The following TMEM132B variants were observed in gnomAD, a reference collection of about 807,000 sequenced individuals.
TMEM132B encodes transmembrane protein 132B.
Under a neutral mutation model 90.8 loss-of-function variants are expected in TMEM132B, and 18 were observed. The observed-to-expected ratio is 0.20, with a 90% confidence interval of 0.14 to 0.29. The LOEUF is 0.29. Among genes scored for constraint, TMEM132B ranks in the 10% least tolerant of loss-of-function variants. TMEM132B has a pLI of 1.00. For missense variants in TMEM132B, 1,096 were observed against 1,326.8 expected (o/e 0.83, Z 2.70); for synonymous variants, 504 against 523.3 (o/e 0.96, Z 0.50).
At chr12:125,243,229 T>C (rs1874129566) in intron 1 of TMEM132B, among the ~76,000 whole-genome samples, 1 of 151,496 alleles carries the variant, frequency 6.6e-6, no homozygotes, top group Non-Finnish European at 1.5e-5. Context: ...CTGCAACCTC[T>C]GCCTCCTGAG....
chr12:125,515,013 T>A (rs966702816), intron 3 of TMEM132B, among the ~76,000 whole-genome samples: 2 of 152,162 alleles, frequency 1.3e-5, no homozygotes, highest in Non-Finnish European at 2.9e-5. Flanking sequence ...GAGGTTTCCA[T>A]GACAAACAGG....
chr12:125,303,396 C>T (rs752549959), intron 1 of TMEM132B, among the ~76,000 whole-genome samples: 2 of 152,152 alleles, frequency 1.3e-5, no homozygotes, highest in Non-Finnish European at 2.9e-5. Flanking sequence ...TGTTGATAGA[C>T]ATTTGGGCTG....
At chr12:125,236,320 TG>T (rs1873935858) in intron 1 of TMEM132B, among the ~76,000 whole-genome samples, 1 of 151,140 alleles carries the variant, frequency 6.6e-6, no homozygotes, top group South Asian at 2.1e-4. Context: ...TATTTTTTTT[TG>T]TTTTTTTTGT....
At chr12:125,414,602 A>T (rs1362457188) in intron 2 of TMEM132B, among the ~76,000 whole-genome samples, 1 of 151,808 alleles carries the variant, frequency 6.6e-6, no homozygotes, top group Non-Finnish European at 1.5e-5. Flanking sequence ...GCCTGCACTG[A>T]CCTCTGCAGC....
rs2136765383 is a variant in TMEM132B at position 125,552,933 on chromosome 12, GGC to G, written c.1294-30917_1294-30916del. Among the ~76,000 whole-genome samples, 3 of 152,346 alleles carry G rather than the reference GGC, an allele frequency of 2.0e-5. No homozygotes were observed. In the South Asian group the frequency reaches 6.2e-4, roughly 32 times the overall value. ...GGATCAGCTTCTGTTCTCATTGAGT[GGC>G]CTCCCAGCCTAAGCATGTCTAAACA... On this transcript the variant is annotated intron_variant, in intron 4 of 8. Transcript: ENST00000682704.
chr12:125,417,327 A>G (rs1034724399), intron 3 of TMEM132B, among the ~76,000 whole-genome samples: 1 of 152,174 alleles, frequency 6.6e-6, no homozygotes, highest in Non-Finnish European at 1.5e-5. Context: ...AGTGGGTTTC[A>G]TGCTTTTGCC....
rs556404629 is a variant in TMEM132B, at chr12:125,493,015, C to T, written c.1107-26424C>T. Among the ~76,000 whole-genome samples the T allele has an allele frequency of 7.2e-5, 11 of 152,286 alleles. No individual in the cohort carries two copies. In the South Asian group the frequency reaches 1.0e-3, roughly 14 times the overall value. The stretch of plus-strand genomic sequence containing the variant: ...CTCCATATCAGGACTAGTGGAGTTA[C>T]GGAGTTCCACCCCTGCAGGTGGCAC... On this transcript the variant is annotated intron_variant, in intron 3 of 8. Coordinates refer to ENST00000682704, the MANE Select transcript of TMEM132B (RefSeq NM_001366854.1).
rs140733793 is a variant in TMEM132B at position 125,435,033 on chromosome 12, C to G, written c.1106+19356C>G. Among the ~76,000 whole-genome samples, 885 of 152,308 alleles carry G rather than the reference C, an allele frequency of 5.8e-3. 8 individuals carry two copies. The highest frequency in any genetic ancestry group is 7.7e-3 in the African/African-American group (318 of 41,548). ...ATCCCCTTTGTGGGGGCTCAGGTGT[C>G]CTCTCATCCTCCGCACCTCTGCTTT... On this transcript the variant is annotated intron_variant, in intron 3 of 8. Transcript: ENST00000682704.
intron 5 of TMEM132B, among the ~76,000 whole-genome samples, chr12:125,614,944 G>A (rs1402183063): frequency 6.6e-6 from 1 of 152,134 alleles, no homozygotes; most frequent in Non-Finnish European, 1.5e-5. Context: ...AGTTTTGCCA[G>A]TTGTAGGATT....
intron 3 of TMEM132B, among the ~76,000 whole-genome samples, chr12:125,515,260 TCATA>T (rs1399922901): frequency 1.1e-4 from 17 of 148,484 alleles, no homozygotes; most frequent in Non-Finnish European, 1.8e-4. Flanking sequence ...ACACACACAT[TCATA>T]CATTCACTCA....
chr12:125,590,450 G>A (rs1593009379), intron 5 of TMEM132B, among the ~76,000 whole-genome samples: 1 of 152,164 alleles, frequency 6.6e-6, no homozygotes, highest in East Asian at 1.9e-4. Context: ...TGCACAAATG[G>A]CTGTTACACC....
intron 1 of TMEM132B, among the ~76,000 whole-genome samples, chr12:125,241,045 C>T (rs555996414): frequency 5.9e-5 from 9 of 152,286 alleles, no homozygotes; most frequent in South Asian, 2.1e-4. Flanking sequence ...TAACCCATTT[C>T]GTGCCACGGG....
At chr12:125,521,198 C>T (rs1476715028) in intron 4 of TMEM132B, among the ~76,000 whole-genome samples, 1 of 152,208 alleles carries the variant, frequency 6.6e-6, no homozygotes, top group Admixed American at 6.5e-5. Context: ...CTGCCACCTC[C>T]TCTACTTCCA....
At chr12:125,436,142 T>G (rs1439830284) in intron 3 of TMEM132B, among the ~76,000 whole-genome samples, 2 of 152,184 alleles carry the variant, frequency 1.3e-5, no homozygotes, top group East Asian at 3.8e-4. Flanking sequence ...AGAAAGGGTT[T>G]GGGCTCCGGA....
intron 1 of TMEM132B, among the ~76,000 whole-genome samples, chr12:125,320,186 T>C (rs993743544): frequency 3.3e-5 from 5 of 152,206 alleles, no homozygotes; most frequent in Non-Finnish European, 5.9e-5. Context: ...CTCATGTAAC[T>C]GTATCAACAA....
rs141769705 is a variant in TMEM132B at position 125,206,868 on chromosome 12, G to A, written c.67+20002G>A. The stretch of plus-strand genomic sequence containing the variant: ...TATTAATTTCACCTGGGGCTTGGAC[G>A]CATTGTTTCTGTGCTGAGCACATAT... On this transcript the variant is annotated intron_variant, in intron 1 of 8. Coordinates refer to ENST00000682704, the MANE Select transcript of TMEM132B (RefSeq NM_001366854.1). Among the ~76,000 whole-genome samples, 378 of 152,328 alleles carry A rather than the reference G, an allele frequency of 2.5e-3. 5 individuals are homozygous for A. The highest frequency in any genetic ancestry group is 8.2e-3 in the African/African-American group (339 of 41,568).
intron 2 of TMEM132B, among the ~76,000 whole-genome samples, chr12:125,382,115 C>G (rs922486783): frequency 6.6e-6 from 1 of 152,178 alleles, no homozygotes; most frequent in Admixed American, 6.5e-5. Flanking sequence ...TGTTTGCACA[C>G]AGGTAACTCT....
At chr12:125,570,592 T>A (rs1884767133) in intron 4 of TMEM132B, among the ~76,000 whole-genome samples, 1 of 152,204 alleles carries the variant, frequency 6.6e-6, no homozygotes, top group South Asian at 2.1e-4. Context: ...CAGAAAGAGC[T>A]GAATTTTGAA....
In TMEM132B at chr12:125,515,706, A is replaced by G. The variant is rs182725115; in HGVS notation, c.1107-3733A>G. The stretch of plus-strand genomic sequence containing the variant: ...ACACATTCCCTCCCACACTCACACA[A>G]CACATTCACACGTTCTCACACACAT... On this transcript the variant is annotated intron_variant, in intron 3 of 8. Coordinates refer to ENST00000682704, the MANE Select transcript of TMEM132B (RefSeq NM_001366854.1). Among the ~76,000 whole-genome samples the G allele has an allele frequency of 2.0e-4, 30 of 151,354 alleles. No individual in the cohort carries two copies. The East Asian group carries it at 4.7e-3, about 24-fold the overall frequency.
Sources: allele counts gnomAD v4.1 joint callset (sites outside exome capture counted in the v4.1 genomes callset), GRCh38; gene constraint gnomAD v4.1.1; transcripts MANE v1.5; gene names NCBI Gene and HGNC (gene_info 2026-07-23, HGNC 2026-07-21).